The following CTNNA3 variants were observed in gnomAD, a reference collection of about 807,000 sequenced individuals.
The protein encoded by CTNNA3 is catenin alpha 3.
CTNNA3 carries 76 observed loss-of-function variants against 95.7 expected under a neutral mutation model. The observed-to-expected ratio is 0.79, with a 90% CI of 0.66 to 0.96. The LOEUF is 0.96. Among genes scored for constraint, CTNNA3 ranks in the 40% least tolerant of loss-of-function variants. The probability of loss-of-function intolerance (pLI) is 0.00; values close to 1 mark genes in which losing one functional copy is unlikely to be tolerated. For missense variants in CTNNA3, 1,191 were observed against 1,089.8 expected (o/e 1.09, Z -1.31); for synonymous variants, 431 against 374.4 (o/e 1.15, Z -1.74).
intron 13 of CTNNA3, among the ~76,000 whole-genome samples, chr10:66,166,545 C>T (rs1293910545): frequency 6.7e-6 from 1 of 149,534 alleles, no homozygotes; most frequent in South Asian, 2.1e-4. Flanking sequence ...GATTAAGTAG[C>T]TTATCTATGG....
At chr10:66,044,730 G>A (rs2079790899) in intron 15 of CTNNA3, among the ~76,000 whole-genome samples, 1 of 152,134 alleles carries the variant, frequency 6.6e-6, no homozygotes, top group African/African-American at 2.4e-5. Context: ...TTCCACACCA[G>A]CTCTGCGCTA....
intron 12 of CTNNA3, among the ~76,000 whole-genome samples, chr10:66,360,529 G>A (rs1393492810): frequency 6.6e-6 from 1 of 152,078 alleles, no homozygotes; most frequent in Non-Finnish European, 1.5e-5. Context: ...GAATTTTTTG[G>A]ACCAGTATGT....
chr10:67,441,266 A>C (rs71496042), intron 5 of CTNNA3, among the ~76,000 whole-genome samples: 7,105 of 144,220 alleles, frequency 0.049, 264 homozygotes, highest in African/African-American at 0.11. Context: ...AGAGAAGACA[A>C]AAAAAAAAAA....
intron 7 of CTNNA3, among the ~76,000 whole-genome samples, chr10:67,177,873 T>C (rs773457914): frequency 3.9e-5 from 6 of 152,170 alleles, no homozygotes; most frequent in Non-Finnish European, 7.4e-5. Flanking sequence ...AAGAAAACCA[T>C]AAAATCACCA....
intron 13 of CTNNA3, among the ~76,000 whole-genome samples, chr10:66,279,211 C>T (rs1469880915): frequency 1.3e-5 from 2 of 152,002 alleles, no homozygotes; most frequent in Non-Finnish European, 2.9e-5. Flanking sequence ...TTTACAAGGT[C>T]CACAAATGAC....
intron 14 of CTNNA3, among the ~76,000 whole-genome samples, chr10:66,095,069 C>T (rs1246884366): frequency 6.6e-6 from 1 of 152,032 alleles, no homozygotes; most frequent in Non-Finnish European, 1.5e-5. Context: ...GTGATTATTT[C>T]AAGGAGAGGA....
At chr10:66,845,254 A>C (rs4592318) in intron 7 of CTNNA3, among the ~76,000 whole-genome samples, 54,676 of 151,978 alleles carry the variant, frequency 0.36, 10,782 homozygotes, top group Non-Finnish European at 0.46. Flanking sequence ...CATAAACGTG[A>C]CCAACAGGTA....
At chr10:67,583,504 T>C (rs1842494204) in intron 3 of CTNNA3, among the ~76,000 whole-genome samples, 1 of 152,184 alleles carries the variant, frequency 6.6e-6, no homozygotes, top group Non-Finnish European at 1.5e-5. Context: ...TTTTCCTTCA[T>C]TTCAATTTTG....
At chr10:67,492,026 G>T (rs541959125) in intron 5 of CTNNA3, among the ~76,000 whole-genome samples, 33 of 152,210 alleles carry the variant, frequency 2.2e-4, no homozygotes, top group Middle Eastern at 3.4e-3. Flanking sequence ...ATATGGGGTA[G>T]AAATAAAGAT....
intron 9 of CTNNA3, among the ~76,000 whole-genome samples, chr10:66,691,613 A>T (rs12256420): frequency 6.6e-6 from 1 of 151,990 alleles, no homozygotes; most frequent in Non-Finnish European, 1.5e-5. Context: ...AGCAGTGGTT[A>T]TCCCAGCACG....
chr10:66,114,492 A>G (rs534408846), intron 13 of CTNNA3, among the ~76,000 whole-genome samples: 1 of 146,852 alleles, frequency 6.8e-6, no homozygotes, highest in Admixed American at 7.1e-5. Context: ...ATATGTGTAT[A>G]TATGTGTGCA....
intron 5 of CTNNA3, among the ~76,000 whole-genome samples, chr10:67,325,791 T>C (rs1239760315): frequency 6.6e-6 from 1 of 152,120 alleles, no homozygotes; most frequent in Admixed American, 6.5e-5. Context: ...ATCTTTGTTA[T>C]TTTCTGTCTT....
intron 17 of CTNNA3, among the ~76,000 whole-genome samples, chr10:65,942,938 T>G (rs2077451289): frequency 6.6e-6 from 1 of 152,194 alleles, no homozygotes; most frequent in African/African-American, 2.4e-5. Context: ...GCTACAATTA[T>G]TATAAAGATT....
chr10:67,043,190 C>G (rs998806759), intron 7 of CTNNA3, among the ~76,000 whole-genome samples: 1 of 148,868 alleles, frequency 6.7e-6, no homozygotes, highest in African/African-American at 2.5e-5. Context: ...CAACTTTTCT[C>G]CCTATAGCTC....
At chr10:67,735,663 T>A (rs1423907346) in intron 1 of CTNNA3, among the ~76,000 whole-genome samples, 2 of 152,182 alleles carry the variant, frequency 1.3e-5, no homozygotes, top group African/African-American at 2.4e-5. Context: ...AAGTGTTGAC[T>A]AGGATATGTA....
intron 16 of CTNNA3, among the ~76,000 whole-genome samples, chr10:65,977,529 C>T (rs1027081666): frequency 3.3e-5 from 5 of 151,854 alleles, no homozygotes; most frequent in Admixed American, 2.6e-4. Context: ...GCCTATAATC[C>T]CAGCATTTTG....
chr10:67,183,303 T>C (rs1253476579), intron 6 of CTNNA3, among the ~76,000 whole-genome samples: 2 of 152,132 alleles, frequency 1.3e-5, no homozygotes, highest in Non-Finnish European at 1.5e-5. Context: ...TGTCCAACAA[T>C]TGTAGACTGG....
chr10:67,753,864 T>C (rs1006187750), intron 1 of CTNNA3, among the ~76,000 whole-genome samples: 30 of 152,184 alleles, frequency 2.0e-4, no homozygotes, highest in African/African-American at 7.2e-4. Flanking sequence ...ACACTGTTGG[T>C]GAGAATGTAA....
chr10:67,294,463 T>C (rs181685265), intron 5 of CTNNA3, among the ~76,000 whole-genome samples: 77 of 152,296 alleles, frequency 5.1e-4, no homozygotes, highest in African/African-American at 1.7e-3. Context: ...TTTGATTTTT[T>C]TTAAAAATCA....
Sources: gnomAD v4.1 joint callset for allele counts (sites outside exome capture counted in the v4.1 genomes callset) on GRCh38, gnomAD v4.1.1 for gene constraint, MANE v1.5 for transcripts, NCBI Gene and HGNC (gene_info 2026-07-23, HGNC 2026-07-21) for gene names.